Variants in TMEM132D observed in about 807,000 individuals in gnomAD.
The protein encoded by TMEM132D is mature OL transmembrane protein.
TMEM132D carries 21 observed loss-of-function variants against 62.3 expected under a neutral mutation model. That is an observed-to-expected ratio of 0.34 (90% CI 0.24 to 0.49). TMEM132D has a LOEUF of 0.49. Ranked by LOEUF, TMEM132D falls within the 20% of genes least tolerant of loss-of-function variation. The pLI is 0.99. For synonymous variants in TMEM132D, 621 were observed against 575.6 expected (o/e 1.08, Z -1.13); for missense variants, 1,346 against 1,402.8 (o/e 0.96, Z 0.65).
intron 5 of TMEM132D, among the ~76,000 whole-genome samples, chr12:129,144,878 C>A (rs1268315758): frequency 1.3e-5 from 2 of 149,558 alleles, no homozygotes; most frequent in Non-Finnish European, 3.0e-5. Context: ...ATCTATCTAC[C>A]ATTCACCTAT....
At chr12:129,269,280 C>T (rs1045075833) in intron 4 of TMEM132D, among the ~76,000 whole-genome samples, 1 of 152,100 alleles carries the variant, frequency 6.6e-6, no homozygotes, top group Admixed American at 6.6e-5. Flanking sequence ...AACCTCCAGG[C>T]CACCCAGTCT....
chr12:129,250,218 C>A (rs1052591829), intron 4 of TMEM132D, among the ~76,000 whole-genome samples: 1 of 152,100 alleles, frequency 6.6e-6, no homozygotes, highest in East Asian at 1.9e-4. Flanking sequence ...TCTCAATGAC[C>A]GAGCCCAACC....
intron 1 of TMEM132D, among the ~76,000 whole-genome samples, chr12:129,792,664 C>T (rs1052880091): frequency 5.3e-5 from 8 of 152,116 alleles, no homozygotes; most frequent in African/African-American, 1.9e-4. Context: ...CATGCTGAGA[C>T]AATAAAAAAG....
chr12:129,530,605 C>T (rs1477094847), intron 3 of TMEM132D, among the ~76,000 whole-genome samples: 1 of 152,184 alleles, frequency 6.6e-6, no homozygotes, highest in Non-Finnish European at 1.5e-5. Context: ...AAAATGCCTG[C>T]CCGTGAATAC....
chr12:129,098,762 C>A (rs973169217), intron 5 of TMEM132D, among the ~76,000 whole-genome samples: 3 of 152,190 alleles, frequency 2.0e-5, no homozygotes, highest in African/African-American at 7.2e-5. Context: ...TGCCTTGAAT[C>A]TGGGCTGGCC....
At chr12:129,485,456 G>A (rs1593032620) in intron 3 of TMEM132D, among the ~76,000 whole-genome samples, 3 of 152,212 alleles carry the variant, frequency 2.0e-5, no homozygotes, top group African/African-American at 7.2e-5. Context: ...AGTGCTGGGA[G>A]GCTACGGGTC....
At chr12:129,504,676 T>C (rs1875275476) in intron 3 of TMEM132D, among the ~76,000 whole-genome samples, 1 of 152,208 alleles carries the variant, frequency 6.6e-6, no homozygotes. Flanking sequence ...AACCAGCTTT[T>C]TGTTTCATTT....
At chr12:129,446,278 T>C (rs1295972320) in intron 3 of TMEM132D, among the ~76,000 whole-genome samples, 1 of 152,146 alleles carries the variant, frequency 6.6e-6, no homozygotes, top group Non-Finnish European at 1.5e-5. Context: ...TGGTGTGACT[T>C]GGTTAGCCCT....
At chr12:129,167,529 G>A (rs1347377470) in intron 5 of TMEM132D, among the ~76,000 whole-genome samples, 1 of 152,110 alleles carries the variant, frequency 6.6e-6, no homozygotes, top group Non-Finnish European at 1.5e-5. Flanking sequence ...AGGGGCCTCT[G>A]CAGGAGTACA....
At chr12:129,540,425 G>A (rs762590049) in intron 2 of TMEM132D, among the ~76,000 whole-genome samples, 4 of 152,204 alleles carry the variant, frequency 2.6e-5, no homozygotes, top group East Asian at 3.9e-4. Flanking sequence ...TGAGTAATTC[G>A]AGGAGAGTAA....
chr12:129,398,901 T>C (rs1399233016), intron 3 of TMEM132D, among the ~76,000 whole-genome samples: 4 of 152,078 alleles, frequency 2.6e-5, no homozygotes, highest in Non-Finnish European at 4.4e-5. Context: ...TAGTCTGTTT[T>C]GTGCTGCTAT....
chr12:129,502,655 G>C (rs890897214), intron 3 of TMEM132D, among the ~76,000 whole-genome samples: 3 of 152,044 alleles, frequency 2.0e-5, no homozygotes, highest in Admixed American at 6.6e-5. Context: ...TTAATCTCTA[G>C]AAGCCTCAAG....
chr12:129,499,845 C>A (rs1183505561), intron 3 of TMEM132D, among the ~76,000 whole-genome samples: 1 of 152,190 alleles, frequency 6.6e-6, no homozygotes, highest in Non-Finnish European at 1.5e-5. Flanking sequence ...AACGTTCCCC[C>A]TTCAATCAGT....
chr12:129,553,550 T>C (rs1410787918), intron 2 of TMEM132D, among the ~76,000 whole-genome samples: 1 of 152,142 alleles, frequency 6.6e-6, no homozygotes, highest in Non-Finnish European at 1.5e-5. Context: ...AGAGGGAGCG[T>C]GGATACCAGC....
intron 1 of TMEM132D, among the ~76,000 whole-genome samples, chr12:129,792,511 AT>A (rs1431937685): frequency 6.6e-6 from 1 of 152,200 alleles, no homozygotes; most frequent in African/African-American, 2.4e-5. Context: ...TCCGGTACAT[AT>A]TTACCGAAAA....
chr12:129,538,934 T>C (rs1876496034), intron 2 of TMEM132D, among the ~76,000 whole-genome samples: 1 of 151,272 alleles, frequency 6.6e-6, no homozygotes, highest in African/African-American at 2.4e-5. Flanking sequence ...GAGCGTTGGC[T>C]ACTAGTGACC....
intron 5 of TMEM132D, among the ~76,000 whole-genome samples, chr12:129,095,347 T>TTTG: frequency 8.6e-5 from 1 of 11,652 alleles, no homozygotes; most frequent in South Asian, 4.0e-3. Flanking sequence ...TGCCTGCTGG[T>TTTG]TTTTTTTTTT....
chr12:129,513,993 A>G (rs61945377), intron 3 of TMEM132D, among the ~76,000 whole-genome samples: 2,679 of 147,738 alleles, frequency 0.018, 40 homozygotes, highest in South Asian at 0.041. Flanking sequence ...GCCCGCCACC[A>G]CGCCTGGCTA....
intron 3 of TMEM132D, among the ~76,000 whole-genome samples, chr12:129,478,016 C>T (rs1158674291): frequency 6.6e-6 from 1 of 152,126 alleles, no homozygotes; most frequent in Non-Finnish European, 1.5e-5. Context: ...CACACCTAGC[C>T]TATGGCTCCT....
Sources: allele counts gnomAD v4.1 joint callset (sites outside exome capture counted in the v4.1 genomes callset), GRCh38; gene constraint gnomAD v4.1.1; transcripts MANE v1.5; gene names NCBI Gene and HGNC (gene_info 2026-07-23, HGNC 2026-07-21).